The following CNTN5 variants were observed in gnomAD, a reference collection of about 807,000 sequenced individuals.
CNTN5 encodes contactin-5.
CNTN5 carries 77 observed loss-of-function variants against 129.1 expected under a neutral mutation model. The ratio of observed to expected loss-of-function variants is 0.60; its 90% CI spans 0.50 to 0.72. CNTN5 has a LOEUF of 0.72. Ranked by LOEUF, CNTN5 falls within the 30% of genes least tolerant of loss-of-function variation. The pLI, the probability that CNTN5 is intolerant of heterozygous loss-of-function variation, is 0.00. For synonymous variants in CNTN5, 509 were observed against 465.6 expected (o/e 1.09, Z -1.20); for missense variants, 1,478 against 1,328.8 (o/e 1.11, Z -1.75).
intron 1 of CNTN5, among the ~76,000 whole-genome samples, chr11:99,323,017 GT>G (rs1865632906): frequency 6.6e-6 from 1 of 152,054 alleles, no homozygotes; most frequent in Non-Finnish European, 1.5e-5. Flanking sequence ...TTTAGATTTG[GT>G]CTAGCTTTCA....
At chr11:100,121,268 A>G (rs181716767) in intron 13 of CNTN5, among the ~76,000 whole-genome samples, 1 of 152,212 alleles carries the variant, frequency 6.6e-6, no homozygotes, top group Non-Finnish European at 1.5e-5. Flanking sequence ...AGAACATAAA[A>G]TGGTCTAGGA....
chr11:99,052,590 T>A (rs558884423), intron 1 of CNTN5, among the ~76,000 whole-genome samples: 14 of 151,884 alleles, frequency 9.2e-5, no homozygotes, highest in African/African-American at 2.4e-5. Context: ...CATATCCCTA[T>A]CATTTCGTGA....
At chr11:99,374,220 C>T (rs1016904518) in intron 2 of CNTN5, among the ~76,000 whole-genome samples, 1 of 152,168 alleles carries the variant, frequency 6.6e-6, no homozygotes, top group Non-Finnish European at 1.5e-5. Flanking sequence ...CTGCTATTTT[C>T]AGCACATCTA....
chr11:99,233,018 C>T lies in CNTN5; in HGVS notation c.-209-92328C>T, dbSNP rs779818190. On this transcript the variant is annotated intron_variant, in intron 1 of 24. Transcript: ENST00000524871. ...ACAAATGCAGAATGCTTTGTTCAGCCGAGGAGAGGTTAGTAGAAAAATAGT... is the reference window on the plus strand; with the variant it reads ...ACAAATGCAGAATGCTTTGTTCAGCTGAGGAGAGGTTAGTAGAAAAATAGT... Among the ~76,000 whole-genome samples, 7 of 152,136 alleles carry T rather than the reference C, an allele frequency of 4.6e-5. No homozygotes were observed. In the East Asian group the frequency reaches 9.7e-4, roughly 21 times the overall value.
At chr11:99,269,524 T>G (rs1048465363) in intron 1 of CNTN5, among the ~76,000 whole-genome samples, 1 of 151,870 alleles carries the variant, frequency 6.6e-6, no homozygotes, top group Non-Finnish European at 1.5e-5. Flanking sequence ...AAACAAGAAA[T>G]GATCTTGTAC....
At position 100,350,701 on chromosome 11, in the gene CNTN5, G is replaced by A. The variant is rs748770730; in HGVS notation, c.3031-1G>A. 2 of 1,598,384 alleles carry A rather than the reference G, an allele frequency of 1.3e-6. No homozygotes were observed. The highest frequency in any genetic ancestry group is 1.7e-6 in the Non-Finnish European group (2 of 1,172,124). The stretch of plus-strand genomic sequence containing the variant: ...TGTCTAAACCTTGTTATTACTCTCA[G>A]GTTTTTTATAGGCAAGAGGGTCACA... On this transcript the variant is annotated splice_acceptor_variant, in intron 23 of 24. Transcript: ENST00000524871. LOFTEE classifies it high-confidence loss of function.
Position 100,272,230 on chromosome 11 carries a change from G to A in CNTN5, c.2314+989G>A, listed in dbSNP as rs77836116. Reference sequence around the variant, plus strand: ...TATACTGAAACCTAGAACAGTGTTTGGTACTGGTACTCAGCATGTCATATT... The same window carrying A: ...TATACTGAAACCTAGAACAGTGTTTAGTACTGGTACTCAGCATGTCATATT... On this transcript the variant is annotated intron_variant, in intron 18 of 24. Transcript: ENST00000524871. Among the ~76,000 whole-genome samples, 17 of 152,136 alleles carry A rather than the reference G, an allele frequency of 1.1e-4. No individual in the cohort carries two copies. The East Asian group carries it at 3.3e-3, about 29-fold the overall frequency.
At position 99,855,326 on chromosome 11, in the gene CNTN5, C is replaced by T. The variant is rs78817786; in HGVS notation, c.577+10064C>T. Among the ~76,000 whole-genome samples, 174 of 152,190 alleles carry T rather than the reference C, an allele frequency of 1.1e-3. 3 individuals carry two copies. The East Asian group carries it at 0.032, about 28-fold the overall frequency. ...CAGAAAAACAAAAGCAAACAAACAA[C>T]AACAACAACAAAACTTTGGGTTTTG... On this transcript the variant is annotated intron_variant, in intron 6 of 24. Transcript: ENST00000524871.
At chr11:99,314,297 G>C (rs980323296) in intron 1 of CNTN5, among the ~76,000 whole-genome samples, 1 of 151,952 alleles carries the variant, frequency 6.6e-6, no homozygotes, top group Non-Finnish European at 1.5e-5. Flanking sequence ...AAATATTTTA[G>C]CTATCCATAT....
At chr11:99,071,930 C>G (rs976564679) in intron 1 of CNTN5, among the ~76,000 whole-genome samples, 4 of 148,198 alleles carry the variant, frequency 2.7e-5, no homozygotes, top group Non-Finnish European at 4.5e-5. Context: ...AGGTTTTAAG[C>G]TATTCACTGG....
intron 6 of CNTN5, among the ~76,000 whole-genome samples, chr11:99,876,064 C>CCT (rs1375595336): frequency 1.3e-5 from 2 of 152,148 alleles, no homozygotes; most frequent in South Asian, 4.1e-4. Flanking sequence ...TCATCTCCTG[C>CCT]TGAAAGGCAT....
intron 7 of CNTN5, among the ~76,000 whole-genome samples, chr11:99,945,562 A>G (rs1950537691): frequency 1.3e-5 from 2 of 151,550 alleles, no homozygotes; most frequent in Admixed American, 6.6e-5. Context: ...AGCACTTACT[A>G]TATACCTGAA....
At chr11:99,329,119 A>G (rs982890425) in intron 2 of CNTN5, among the ~76,000 whole-genome samples, 6 of 152,152 alleles carry the variant, frequency 3.9e-5, no homozygotes, top group Non-Finnish European at 7.3e-5. Context: ...ATGTTGGTGC[A>G]TTAATATTTT....
intron 2 of CNTN5, among the ~76,000 whole-genome samples, chr11:99,370,821 C>T (rs1358436087): frequency 3.9e-5 from 6 of 152,158 alleles, no homozygotes; most frequent in African/African-American, 1.4e-4. Context: ...AGTTTCTGAA[C>T]TTTGGAGAAG....
At chr11:99,825,374 T>A (rs1053368049) in intron 4 of CNTN5, among the ~76,000 whole-genome samples, 1 of 152,064 alleles carries the variant, frequency 6.6e-6, no homozygotes, top group Non-Finnish European at 1.5e-5. Flanking sequence ...ATTTCTCAAG[T>A]ATAACATTAT....
At chr11:99,982,688 T>A (rs1454940094) in intron 8 of CNTN5, among the ~76,000 whole-genome samples, 3 of 152,268 alleles carry the variant, frequency 2.0e-5, no homozygotes, top group Middle Eastern at 3.4e-3. Flanking sequence ...TCACCCAGGC[T>A]GGAGTGCAGT....
chr11:99,211,726 T>TCC (rs1423084769), intron 1 of CNTN5, among the ~76,000 whole-genome samples: 3 of 152,132 alleles, frequency 2.0e-5, no homozygotes, highest in African/African-American at 7.2e-5. Context: ...GTATTTTCAG[T>TCC]TTTGAAGCTT....
At chr11:99,239,530 G>A (rs1861435843) in intron 1 of CNTN5, among the ~76,000 whole-genome samples, 1 of 152,142 alleles carries the variant, frequency 6.6e-6, no homozygotes, top group Non-Finnish European at 1.5e-5. Context: ...GGGTGATTCT[G>A]TAAACTAACT....
At chr11:99,319,705 A>G (rs558069688) in intron 1 of CNTN5, among the ~76,000 whole-genome samples, 2 of 152,322 alleles carry the variant, frequency 1.3e-5, no homozygotes, top group South Asian at 4.1e-4. Context: ...TTAAATTTAT[A>G]TAAATTTAAA....
Sources: allele counts gnomAD v4.1 joint callset (sites outside exome capture counted in the v4.1 genomes callset), GRCh38; gene constraint gnomAD v4.1.1; transcripts MANE v1.5; gene names NCBI Gene and HGNC (gene_info 2026-07-23, HGNC 2026-07-21).